Variants in CCSER1 observed in about 807,000 individuals in gnomAD.
CCSER1 encodes coiled-coil serine rich protein 1.
A neutral mutation model predicts 82.0 loss-of-function variants in CCSER1; 41 were observed. That is an observed-to-expected ratio of 0.50 (90% confidence interval 0.39 to 0.65). The LOEUF (loss-of-function observed/expected upper bound fraction) is 0.65, where lower values mean the gene tolerates loss of function less well. Among genes scored for constraint, CCSER1 ranks in the 30% least tolerant of loss-of-function variants. The pLI is 0.00. For missense variants in CCSER1, 1,119 were observed against 1,064.2 expected (o/e 1.05, Z -0.72); for synonymous variants, 414 against 383.9 (o/e 1.08, Z -0.92).
At chr4:90,515,342 G>A (rs1246334584) in intron 5 of CCSER1, among the ~76,000 whole-genome samples, 2 of 152,162 alleles carry the variant, frequency 1.3e-5, no homozygotes, top group Non-Finnish European at 2.9e-5. Context: ...TGCCTAGCTT[G>A]TGATGGTTCA....
chr4:91,026,105 T>G (rs1014163464), intron 9 of CCSER1, among the ~76,000 whole-genome samples: 1 of 152,152 alleles, frequency 6.6e-6, no homozygotes, highest in Non-Finnish European at 1.5e-5. Context: ...TGTTCACACA[T>G]TAGGTACAAG....
At chr4:91,087,767 T>C (rs868860641) in intron 10 of CCSER1, among the ~76,000 whole-genome samples, 1 of 152,210 alleles carries the variant, frequency 6.6e-6, no homozygotes, top group Middle Eastern at 3.4e-3. Context: ...ATGTCAACTA[T>C]TAAAATTCAA....
intron 7 of CCSER1, among the ~76,000 whole-genome samples, chr4:90,800,736 T>C (rs1385216423): frequency 6.6e-6 from 1 of 151,668 alleles, no homozygotes; most frequent in African/African-American, 2.4e-5. Flanking sequence ...CCATGGGTTT[T>C]AGGAGATCAG....
At chr4:90,957,022 C>A (rs2150365294) in intron 9 of CCSER1, among the ~76,000 whole-genome samples, 1 of 147,150 alleles carries the variant, frequency 6.8e-6, no homozygotes, top group South Asian at 2.2e-4. Context: ...CAGCAATCTT[C>A]CTTCCTTGGC....
At chr4:90,326,048 G>T (rs1283579349) in intron 3 of CCSER1, among the ~76,000 whole-genome samples, 1 of 144,870 alleles carries the variant, frequency 6.9e-6, no homozygotes, top group African/African-American at 2.5e-5. Flanking sequence ...ATCTTCCTAT[G>T]TGATACCTTT....
At chr4:90,932,972 A>AGAGAGAG in intron 9 of CCSER1, among the ~76,000 whole-genome samples, 4 of 40,104 alleles carry the variant, frequency 1.0e-4, no homozygotes, top group South Asian at 6.8e-4. Flanking sequence ...GAAAGAAAGA[A>AGAGAGAG]AGAAAGAAAG....
At chr4:90,441,764 T>C (rs1759917277) in intron 4 of CCSER1, among the ~76,000 whole-genome samples, 1 of 152,190 alleles carries the variant, frequency 6.6e-6, no homozygotes, top group Non-Finnish European at 1.5e-5. Context: ...CTCCTGAACA[T>C]AATAGTTGGC....
intron 10 of CCSER1, among the ~76,000 whole-genome samples, chr4:91,476,555 A>C (rs540979140): frequency 6.6e-6 from 1 of 151,922 alleles, no homozygotes; most frequent in African/African-American, 2.4e-5. Context: ...ATGATCCTAA[A>C]ATTTATATGG....
rs57672590 is a variant in CCSER1 at position 90,863,949 on chromosome 4, T to TTTTTATTTTATTTTATTTTATTTTA, written c.2094+48150_2094+48174dup. Among the ~76,000 whole-genome samples the TTTTTATTTTATTTTATTTTATTTTA allele has an allele frequency of 1.1e-3, 130 of 117,654 alleles. 3 individuals are homozygous for TTTTTATTTTATTTTATTTTATTTTA. The highest frequency in any genetic ancestry group is 8.0e-4 in the Admixed American group (9 of 11,240). The allele number at this position is 117,654 out of a possible 152,430, so 77.2% of individuals were successfully genotyped here. A position where few individuals can be genotyped will look rare whatever the true frequency, so the allele number is the denominator to read the frequency against. ...ACTTTATTCAATTCTACCTATCACG[T>TTTTTATTTTATTTTATTTTATTTTA]TTTTATTTTATTTTATTTTATTTTA... On this transcript the variant is annotated intron_variant, in intron 8 of 10. Coordinates refer to ENST00000509176, the MANE Select transcript of CCSER1 (RefSeq NM_001145065.2).
At chr4:91,580,197 T>A (rs1451215978) in intron 10 of CCSER1, among the ~76,000 whole-genome samples, 1 of 151,890 alleles carries the variant, frequency 6.6e-6, no homozygotes, top group Non-Finnish European at 1.5e-5. Flanking sequence ...ATAGTTGTAC[T>A]TTATTAATGA....
chr4:91,198,261 A>G (rs1560510258), intron 10 of CCSER1, among the ~76,000 whole-genome samples: 1 of 152,160 alleles, frequency 6.6e-6, no homozygotes, highest in Non-Finnish European at 1.5e-5. Context: ...CAGAAATATA[A>G]TTTTAAAAAT....
At chr4:90,859,202 C>A (rs1419375365) in intron 8 of CCSER1, among the ~76,000 whole-genome samples, 1 of 151,826 alleles carries the variant, frequency 6.6e-6, no homozygotes, top group Non-Finnish European at 1.5e-5. Flanking sequence ...TAACTAATTT[C>A]TCTTTCCCTG....
chr4:91,347,403 C>A (rs1240873655), intron 10 of CCSER1, among the ~76,000 whole-genome samples: 1 of 151,990 alleles, frequency 6.6e-6, no homozygotes, highest in Non-Finnish European at 1.5e-5. Flanking sequence ...TATCAGTCTT[C>A]CAACTTTTTT....
chr4:90,308,675 T>G lies in CCSER1; in HGVS notation c.391T>G (p.Leu131Val). 1.9e-6 allele frequency: 3 copies of G among 1,613,616 alleles called. No individual in the cohort carries two copies. Among genetic ancestry groups the G allele is most frequent in the Non-Finnish European group, 2.5e-6 (3 of 1,179,786 alleles). Reference sequence around the variant, plus strand: ...ACGAAATAAGAAGATAACAAGATCTTTGACAGAGGATTTTGAAAGGGAAAA... The same window carrying G: ...ACGAAATAAGAAGATAACAAGATCTGTGACAGAGGATTTTGAAAGGGAAAA... Reference protein sequence around the residue: ...SSRNKKITRSLTEDFEREKEH... With the variant: ...SSRNKKITRSVTEDFEREKEH... Residue 131 changes from leucine to valine, a missense_variant, in exon 2 of 11, where the codon TTG becomes GTG. Transcript: ENST00000509176.
intron 9 of CCSER1, among the ~76,000 whole-genome samples, chr4:91,078,201 C>T (rs1722237760): frequency 6.6e-6 from 1 of 152,132 alleles, no homozygotes; most frequent in South Asian, 2.1e-4. Flanking sequence ...CAGTAGGGGC[C>T]TACTAACACC....
chr4:90,540,633 G>A (rs1462947522), intron 5 of CCSER1, among the ~76,000 whole-genome samples: 1 of 152,052 alleles, frequency 6.6e-6, no homozygotes, highest in Non-Finnish European at 1.5e-5. Context: ...CCACTTAATT[G>A]ATATATTTGT....
At chr4:90,844,113 A>ATG (rs911160456) in intron 8 of CCSER1, among the ~76,000 whole-genome samples, 1 of 148,008 alleles carries the variant, frequency 6.8e-6, no homozygotes. Flanking sequence ...GTGTGTGTGT[A>ATG]TGTATATATA....
chr4:90,912,667 G>C (rs547853134), intron 8 of CCSER1, among the ~76,000 whole-genome samples: 2 of 152,320 alleles, frequency 1.3e-5, no homozygotes, highest in East Asian at 1.9e-4. Context: ...AGAGAAGAAG[G>C]CTTCAGAGGA....
intron 9 of CCSER1, among the ~76,000 whole-genome samples, chr4:90,992,925 A>T (rs1406051458): frequency 6.6e-6 from 1 of 151,954 alleles, no homozygotes; most frequent in Non-Finnish European, 1.5e-5. Flanking sequence ...CAAGTCACAG[A>T]TCCTTCCCAT....
Sources: allele counts gnomAD v4.1 joint callset (sites outside exome capture counted in the v4.1 genomes callset), GRCh38; gene constraint gnomAD v4.1.1; transcripts MANE v1.5; gene names NCBI Gene and HGNC (gene_info 2026-07-23, HGNC 2026-07-21).